The following PPP3CA variants were observed in gnomAD, a reference collection of about 807,000 sequenced individuals.
PPP3CA encodes the protein CAM-PRP catalytic subunit.
In PPP3CA, 14 loss-of-function variants were observed where a neutral mutation model predicts 66.5. The ratio of observed to expected loss-of-function variants is 0.21; its 90% confidence interval spans 0.14 to 0.33. The LOEUF (loss-of-function observed/expected upper bound fraction) is 0.33, where lower values mean the gene tolerates loss of function less well. PPP3CA is among the 10% of genes least tolerant of loss of function. The probability of loss-of-function intolerance (pLI) is 1.00; values close to 1 mark genes in which losing one functional copy is unlikely to be tolerated. For missense variants in PPP3CA, 317 were observed against 639.5 expected, an observed-to-expected ratio of 0.50 and a Z score of 5.44; for synonymous variants, 232 against 226.2, an observed-to-expected ratio of 1.03 and a Z score of -0.23.
At chr4:101,125,483 C>T (rs1426826827) in intron 2 of PPP3CA, among the ~76,000 whole-genome samples, 1 of 152,130 alleles carries the variant, frequency 6.6e-6, no homozygotes, top group Non-Finnish European at 1.5e-5. Context: ...ATGAGTCAAT[C>T]ACTGCATCCA....
At chr4:101,345,600 G>A (rs1729956529) in intron 1 of PPP3CA, among the ~76,000 whole-genome samples, 1 of 152,152 alleles carries the variant, frequency 6.6e-6, no homozygotes, top group South Asian at 2.1e-4. Context: ...CTTAATCCAA[G>A]TGGTTCTGCT....
intron 10 of PPP3CA, among the ~76,000 whole-genome samples, chr4:101,043,875 C>G (rs1404033230): frequency 1.4e-5 from 2 of 145,904 alleles, no homozygotes; most frequent in African/African-American, 2.5e-5. Context: ...AACTCCATGT[C>G]AAAAAAAAAA....
chr4:101,045,772 A>C (rs928678177), intron 10 of PPP3CA, among the ~76,000 whole-genome samples: 9 of 152,212 alleles, frequency 5.9e-5, no homozygotes, highest in African/African-American at 2.2e-4. Context: ...AACAGAGTTA[A>C]ATAAAACTTA....
At chr4:101,080,853 C>CA (rs1729404540) in intron 7 of PPP3CA, among the ~76,000 whole-genome samples, 1 of 152,034 alleles carries the variant, frequency 6.6e-6, no homozygotes, top group African/African-American at 2.4e-5. Flanking sequence ...AATTTCCAAA[C>CA]AGGTATTTTC....
At chr4:101,261,871 A>AAG (rs1727020482) in intron 1 of PPP3CA, among the ~76,000 whole-genome samples, 2 of 151,998 alleles carry the variant, frequency 1.3e-5, no homozygotes, top group Non-Finnish European at 2.9e-5. Context: ...CCCAAAAAAA[A>AAG]AGCTATCAAA....
chr4:101,248,684 T>C (rs1322113020), intron 1 of PPP3CA, among the ~76,000 whole-genome samples: 1 of 152,224 alleles, frequency 6.6e-6, no homozygotes, highest in Non-Finnish European at 1.5e-5. Context: ...ATTACTAATG[T>C]CCTCTTTTCC....
intron 1 of PPP3CA, among the ~76,000 whole-genome samples, chr4:101,315,825 G>C (rs1395753642): frequency 2.0e-5 from 3 of 152,156 alleles, no homozygotes; most frequent in Non-Finnish European, 4.4e-5. Flanking sequence ...TTTGGTTTCT[G>C]GTTGGGCCAG....
rs6819038 is a variant in PPP3CA at position 101,119,505 on chromosome 4, A to C, written c.260-10427T>G. On this transcript the variant is annotated intron_variant, in intron 2 of 13. Transcript: ENST00000394854. The stretch of plus-strand genomic sequence containing the variant: ...ATTTCACCAAATGGATTTTTTGAAA[A>C]AACAAAAACAAAAACAAAAACAAAA... Among the ~76,000 whole-genome samples, 299 of 150,672 alleles carry C rather than the reference A, an allele frequency of 2.0e-3. 1 individual carries two copies. Among genetic ancestry groups the C allele is most frequent in the African/African-American group, 6.9e-3 (283 of 41,066 alleles).
chr4:101,127,872 C>T lies in PPP3CA; in HGVS notation c.260-18794G>A, dbSNP rs6838490. Among the ~76,000 whole-genome samples, 805 of 151,028 alleles carry T rather than the reference C, an allele frequency of 5.3e-3. 7 individuals carry two copies. Among genetic ancestry groups the T allele is most frequent in the African/African-American group, 0.018 (758 of 41,454 alleles). On this transcript the variant is annotated intron_variant, in intron 2 of 13. Coordinates refer to ENST00000394854, the MANE Select transcript of PPP3CA (RefSeq NM_000944.5). ...ATAGGAGGTGAGTACAAGTATTTAT[C>T]ATCATTTCCCAGATGGAGAATTGAG...
chr4:101,149,855 T>C (rs1443932463), intron 2 of PPP3CA, among the ~76,000 whole-genome samples: 3 of 152,162 alleles, frequency 2.0e-5, no homozygotes, highest in Admixed American at 6.5e-5. Context: ...CAAAACCACA[T>C]AGTAAGGTCT....
chr4:101,065,498 A>G (rs1209744379), intron 8 of PPP3CA, among the ~76,000 whole-genome samples: 1 of 152,104 alleles, frequency 6.6e-6, no homozygotes, highest in Non-Finnish European at 1.5e-5. Context: ...CAGGCTTTAT[A>G]TAATAATCCG....
At chr4:101,291,429 T>A (rs1215500576) in intron 1 of PPP3CA, among the ~76,000 whole-genome samples, 1 of 152,112 alleles carries the variant, frequency 6.6e-6, no homozygotes, top group Non-Finnish European at 1.5e-5. Context: ...ACTATGTCCT[T>A]GTTCCAGCTC....
At chr4:101,309,755 T>C (rs1273747457) in intron 1 of PPP3CA, among the ~76,000 whole-genome samples, 5 of 152,166 alleles carry the variant, frequency 3.3e-5, no homozygotes, top group African/African-American at 1.2e-4. Context: ...GGTCAAGCAG[T>C]CAGAATTAAC....
At chr4:101,162,638 C>T (rs959024576) in intron 2 of PPP3CA, among the ~76,000 whole-genome samples, 5 of 152,038 alleles carry the variant, frequency 3.3e-5, no homozygotes, top group African/African-American at 1.2e-4. Flanking sequence ...AAACGTGACC[C>T]CCTGTGCAAC....
chr4:101,090,920 A>T (rs1417242283), intron 6 of PPP3CA, among the ~76,000 whole-genome samples: 3 of 138,216 alleles, frequency 2.2e-5, no homozygotes, highest in Non-Finnish European at 4.7e-5. Context: ...ATTATAATAT[A>T]CACACATATC....
chr4:101,209,260 C>G (rs1360764806), intron 1 of PPP3CA, among the ~76,000 whole-genome samples: 2 of 152,142 alleles, frequency 1.3e-5, no homozygotes, highest in African/African-American at 2.4e-5. Context: ...GTTCAACTAA[C>G]CAAACTGCCA....
chr4:101,058,647 C>T (rs1728327842), intron 10 of PPP3CA, among the ~76,000 whole-genome samples: 2 of 152,142 alleles, frequency 1.3e-5, no homozygotes, highest in Non-Finnish European at 2.9e-5. Context: ...GAGCACAGCA[C>T]ATTGATTAGA....
intron 1 of PPP3CA, among the ~76,000 whole-genome samples, chr4:101,259,348 C>A (rs904752269): frequency 1.0e-5 from 1 of 96,558 alleles, no homozygotes; most frequent in Non-Finnish European, 2.7e-5. Context: ...ATCATTCATT[C>A]ATTCAGCAAG....
At chr4:101,192,945 C>T (rs1282325873) in intron 2 of PPP3CA, among the ~76,000 whole-genome samples, 1 of 152,152 alleles carries the variant, frequency 6.6e-6, no homozygotes, top group African/African-American at 2.4e-5. Flanking sequence ...TTAATAGTTT[C>T]TTTTACTCAA....
Sources: allele counts gnomAD v4.1 joint callset (sites outside exome capture counted in the v4.1 genomes callset), GRCh38; gene constraint gnomAD v4.1.1; transcripts MANE v1.5; gene names NCBI Gene and HGNC (gene_info 2026-07-23, HGNC 2026-07-21).